Variants in RICTOR observed in about 807,000 individuals in gnomAD.
RICTOR encodes rapamycin-insensitive companion of mTOR.
In RICTOR, 49 loss-of-function variants were observed where a neutral mutation model predicts 214.9. The ratio of observed to expected loss-of-function variants is 0.23; its 90% CI spans 0.18 to 0.29. The LOEUF is 0.29. RICTOR is among the 10% of genes least tolerant of loss of function. The pLI is 1.00. For synonymous variants in RICTOR, 717 were observed against 711.3 expected (o/e 1.01, Z -0.13); for missense variants, 1,625 against 2,047.0 (o/e 0.79, Z 3.98).
At position 38,978,972 on chromosome 5, in the gene RICTOR, A is replaced by T. The variant is rs558080249; in HGVS notation, c.754-322T>A. Among the ~76,000 whole-genome samples the T allele has an allele frequency of 2.6e-5, 4 of 152,354 alleles. No homozygotes were observed. In the East Asian group the frequency reaches 7.7e-4, roughly 29 times the overall value. On this transcript the variant is annotated intron_variant, in intron 8 of 37. Coordinates refer to ENST00000357387, the MANE Select transcript of RICTOR (RefSeq NM_152756.5). ...TTATACCTTTGTAGTCACAATCAGT[A>T]TCTATCCCAAGATAACCGTCTTGAC... is the stretch of plus-strand genomic sequence containing the variant.
chr5:39,051,307 C>T (rs1037979595), intron 2 of RICTOR, among the ~76,000 whole-genome samples: 5 of 152,140 alleles, frequency 3.3e-5, no homozygotes, highest in African/African-American at 2.4e-5. Flanking sequence ...CCAGACACTA[C>T]GCTGGGGTCT....
chr5:39,052,757 C>T (rs558517677), intron 2 of RICTOR, among the ~76,000 whole-genome samples: 2 of 152,294 alleles, frequency 1.3e-5, no homozygotes, highest in African/African-American at 2.4e-5. Flanking sequence ...CTTTCTCGTA[C>T]CTAGAGAGCC....
At chr5:38,959,422 A>G in intron 21 of RICTOR, 101 bp from the exon 22 acceptor site, 1 of 705,454 alleles carries the variant, frequency 1.4e-6, no homozygotes. Context: ...ATAAATGACA[A>G]ATAAAAATTG....
rs941149148 is a variant in RICTOR at position 38,998,850 on chromosome 5, A to C, written c.393-1968T>G. ...GGCAACATGGTGCAACCCTGTCTCTACTAAAATAGAAAAAAATTAGCCAGG... is the reference window on the plus strand; with the variant it reads ...GGCAACATGGTGCAACCCTGTCTCTCCTAAAATAGAAAAAAATTAGCCAGG... On this transcript the variant is annotated intron_variant, in intron 5 of 37. Transcript: ENST00000357387. 5.9e-5 allele frequency among the ~76,000 whole-genome samples: 9 copies of C among 151,988 alleles called. No individual in the cohort carries two copies. In the East Asian group the frequency reaches 1.8e-3, roughly 30 times the overall value.
At chr5:38,955,448 C>T in intron 26 of RICTOR, 147 bp downstream of exon 26, 1 of 606,574 alleles carries the variant, frequency 1.6e-6, no homozygotes, top group Non-Finnish European at 3.0e-6. Context: ...ATTCAACATG[C>T]CATGAATGCC....
intron 2 of RICTOR, among the ~76,000 whole-genome samples, chr5:39,072,010 T>C (rs141896609): frequency 4.6e-5 from 7 of 152,302 alleles, no homozygotes; most frequent in East Asian, 1.9e-4. Flanking sequence ...AACAATGAAA[T>C]GTCTGTCACA....
chr5:39,061,833 T>C (rs1262783053), intron 2 of RICTOR, among the ~76,000 whole-genome samples: 6 of 151,996 alleles, frequency 3.9e-5, no homozygotes, highest in African/African-American at 1.4e-4. Context: ...TATATAACTT[T>C]TTTCATTCTG....
chr5:38,949,183 T>C (rs1390339318), intron 31 of RICTOR, among the ~76,000 whole-genome samples: 2 of 152,050 alleles, frequency 1.3e-5, no homozygotes, highest in African/African-American at 4.8e-5. Flanking sequence ...AATCTAAATA[T>C]GGTATAGAAA....
At chr5:39,001,604 A>G (rs924302678) in intron 5 of RICTOR, among the ~76,000 whole-genome samples, 1 of 152,120 alleles carries the variant, frequency 6.6e-6, no homozygotes, top group Non-Finnish European at 1.5e-5. Context: ...GGCAAGGCAA[A>G]GGCAAGGCAA....
At chr5:38,988,451 C>T (rs1752339455) in intron 7 of RICTOR, among the ~76,000 whole-genome samples, 1 of 152,154 alleles carries the variant, frequency 6.6e-6, no homozygotes, top group East Asian at 1.9e-4. Flanking sequence ...ATGTAATGCC[C>T]TTCTTTGTCT....
At chr5:38,970,866 A>T (rs145392960) in intron 11 of RICTOR, 1 of 152,242 alleles carries the variant, frequency 6.6e-6, no homozygotes, top group Admixed American at 6.5e-5. Flanking sequence ...ATTACAAAAC[A>T]TAAGTTAGAA....
At chr5:38,989,960 A>G (rs1053498230) in intron 7 of RICTOR, among the ~76,000 whole-genome samples, 1 of 152,178 alleles carries the variant, frequency 6.6e-6, no homozygotes, top group African/African-American at 2.4e-5. Context: ...TCAAGTATCT[A>G]GAACCAGAAA....
At chr5:38,967,129 A>C in intron 14 of RICTOR, 32 bp downstream of exon 14, 1 of 1,488,786 alleles carries the variant, frequency 6.7e-7, no homozygotes, top group Non-Finnish European at 9.4e-7. Flanking sequence ...AAAATAAACA[A>C]AATGGAATAA....
chr5:38,966,775 T>C (rs987220672), intron 14 of RICTOR, 54 bp from the exon 15 acceptor site: 3 of 959,486 alleles, frequency 3.1e-6, no homozygotes, highest in Non-Finnish European at 3.2e-6. Context: ...TATGAAAACA[T>C]TTATGCATCA....
chr5:38,958,310 T>A, intron 24 of RICTOR, 133 bp downstream of exon 24: 3 of 633,208 alleles, frequency 4.7e-6, no homozygotes, highest in South Asian at 2.2e-5. Flanking sequence ...CCCAAAATAA[T>A]GAAAAGACAA....
intron 30 of RICTOR, among the ~76,000 whole-genome samples, chr5:38,951,913 T>C (rs1748818944): frequency 1.3e-5 from 2 of 151,956 alleles, no homozygotes; most frequent in South Asian, 2.1e-4. Flanking sequence ...ATTTGTTTCT[T>C]TTCTGTCAAA....
intron 3 of RICTOR, among the ~76,000 whole-genome samples, chr5:39,016,861 A>C (rs1755000221): frequency 6.6e-6 from 1 of 152,174 alleles, no homozygotes; most frequent in African/African-American, 2.4e-5. Flanking sequence ...TAAACCATAA[A>C]CTTGCTTTCA....
At chr5:38,943,213 G>T in intron 36 of RICTOR, 2 of 367,894 alleles carry the variant, frequency 5.4e-6, no homozygotes, top group Non-Finnish European at 9.8e-6. Flanking sequence ...TAAAATTGAA[G>T]CATTCTTTTT....
intron 31 of RICTOR, among the ~76,000 whole-genome samples, chr5:38,947,881 A>G (rs1317049492): frequency 6.6e-6 from 1 of 152,180 alleles, no homozygotes; most frequent in Non-Finnish European, 1.5e-5. Context: ...TCAATTACAT[A>G]TCATTATTTG....
Sources: allele counts gnomAD v4.1 joint callset (sites outside exome capture counted in the v4.1 genomes callset), GRCh38; gene constraint gnomAD v4.1.1; transcripts MANE v1.5; gene names NCBI Gene and HGNC (gene_info 2026-07-23, HGNC 2026-07-21).